NOC2L: variants seen among roughly 807,000 people sequenced by gnomAD.
NOC2L encodes the protein NOC2 like nucleolar associated transcriptional repressor, also known as nucleolar complex protein 2 homolog.
A neutral mutation model predicts 94.2 loss-of-function variants in NOC2L; 101 were observed. The observed-to-expected ratio is 1.07, with a 90% CI of 0.91 to 1.26. The LOEUF (loss-of-function observed/expected upper bound fraction) is 1.26, where lower values mean the gene tolerates loss of function less well. Among genes scored for constraint, NOC2L ranks in the 50% most tolerant of loss-of-function variants. NOC2L has a pLI of 0.00. For missense variants in NOC2L, 1,076 were observed against 980.1 expected, an observed-to-expected ratio of 1.10 and a Z score of -1.31; for synonymous variants, 531 against 413.4, an observed-to-expected ratio of 1.28 and a Z score of -3.45.
intron 9 of NOC2L, among the ~76,000 whole-genome samples, chr1:952,935 C>G (rs1642299210): frequency 6.6e-6 from 1 of 152,184 alleles, no homozygotes; most frequent in Non-Finnish European, 1.5e-5. Flanking sequence ...AGAGGCCCTC[C>G]CCTGGGGAAG....
rs771025619 is a variant in NOC2L at position 948,492 on chromosome 1, G to A, written c.1555C>T (p.Arg519Trp). The A allele has an allele frequency of 9.3e-6, 15 of 1,608,882 alleles. No homozygotes were observed. The highest frequency in any genetic ancestry group is 6.7e-5 in the African/African-American group (5 of 74,830). The change falls in exon 13 of 19, where the codon CGG becomes TGG. Residue 519 changes from arginine to tryptophan, a missense_variant and splice_region_variant. Physicochemically the swap from Arg to Trp is moderately radical, Grantham distance 101. Transcript: ENST00000327044. ...CCTCCCCAGGAGGCCAGCCTCACCC[G>A]GTACGCCTTCTCCTGCAGGTTGACA... ...SNVNLQEKAYRDGLVEQLYDL... is the reference protein window; with the variant it reads ...SNVNLQEKAYWDGLVEQLYDL...
chr1:948,078 C>A, intron 14 of NOC2L, 53 bp downstream of exon 14: 1 of 1,429,754 alleles, frequency 7.0e-7, no homozygotes, highest in South Asian at 1.2e-5. Flanking sequence ...GCAGCCAAGC[C>A]CGTTATAAGA....
Position 957,188 on chromosome 1 carries a change from C to G in NOC2L, c.265G>C (p.Glu89Gln). ...RDPEFYKFLQ[E>Q]NDQSLLNFSD... ...AAGTTTAGCAGGCTCTGGTCATTCT[C>G]CTGCAGGAACTTGTAGAACTCGGGG... is the stretch of plus-strand genomic sequence containing the variant. The change falls in exon 3 of 19, where the codon GAG (glutamate) becomes CAG (glutamine). Residue 89 changes from glutamate to glutamine, a missense_variant. By Grantham distance (29) the Glu-to-Gln change is conservative (BLOSUM62 2). Transcript: ENST00000327044. 6.2e-7 allele frequency: 1 copy of G among 1,614,070 alleles called. No individual in the cohort carries two copies. The highest frequency in any genetic ancestry group is 1.7e-5 in the Admixed American group (1 of 60,032).
chr1:953,413 G>A (rs190040727), intron 8 of NOC2L, 125 bp from the exon 9 acceptor site: 159 of 645,310 alleles, frequency 2.5e-4, no homozygotes, highest in Admixed American at 5.0e-4. Context: ...AAAGCACCTC[G>A]GGGGAGCCGT....
chr1:952,242 G>T, intron 10 of NOC2L, 103 bp from the exon 11 acceptor site: 1 of 1,457,570 alleles, frequency 6.9e-7, no homozygotes, highest in Non-Finnish European at 9.4e-7. Context: ...TCTTGCACAC[G>T]GGGTCTCAAC....
chr1:945,213 G>A, intron 17 of NOC2L, 67 bp from the exon 18 acceptor site: 3 of 1,528,544 alleles, frequency 2.0e-6, no homozygotes, highest in Non-Finnish European at 2.7e-6. Context: ...GTCACAGTGG[G>A]GGCAGGAGGG....
Position 946,980 on chromosome 1 carries a change from C to T in NOC2L, c.1660-435G>A, listed in dbSNP as rs936505549. On this transcript the variant is annotated intron_variant, in intron 14 of 18. Coordinates refer to ENST00000327044, the MANE Select transcript of NOC2L (RefSeq NM_015658.4). ...GCTGAGGCTGGAGAATCGCTTGAGC[C>T]CAGGAGATGGAGATTGCAGTGAGCC... is the stretch of plus-strand genomic sequence containing the variant. The T allele has an allele frequency of 1.2e-4, 20 of 173,560 alleles. No individual in the cohort carries two copies. In the South Asian group the frequency reaches 1.5e-3, roughly 13 times the overall value. The allele number at this position is 173,560 out of a possible 1,614,324, so 10.8% of individuals were successfully genotyped here.
chr1:955,968 C>G lies in NOC2L; in HGVS notation c.653G>C (p.Cys218Ser), dbSNP rs770866559. 2.9e-5 allele frequency: 47 copies of G among 1,613,932 alleles called. No homozygotes were observed. In the South Asian group the frequency reaches 4.9e-4, roughly 17 times the overall value. The stretch of plus-strand genomic sequence containing the variant: ...CTTTCCAAACAGCAGCTTCTGGAGA[C>G]AGCCAATGAGGTCTCTGATGCAGAA... ...VTFCIRDLIGCLQKLLFGKVA... is the reference protein window; with the variant it reads ...VTFCIRDLIGSLQKLLFGKVA... Residue 218 changes from cysteine (C) to serine (S), a missense_variant, in exon 6 of 19, where the codon TGT (cysteine) becomes TCT (serine). By Grantham distance (112) the Cys-to-Ser change is moderately radical. Coordinates refer to ENST00000327044, the MANE Select transcript of NOC2L (RefSeq NM_015658.4).
intron 2 of NOC2L, chr1:958,674 A>G (rs1186086963): frequency 1.5e-6 from 1 of 679,302 alleles, no homozygotes; most frequent in East Asian, 2.8e-5. Flanking sequence ...TTCACCCAAG[A>G]ACGTGAGAGT....
At chr1:951,634 C>T (rs764870698) in intron 11 of NOC2L, among the ~76,000 whole-genome samples, 1 of 152,250 alleles carries the variant, frequency 6.6e-6, no homozygotes, top group Non-Finnish European at 1.5e-5. Context: ...CGTGCCTGGA[C>T]CCTCCTAAGC....
intron 12 of NOC2L, among the ~76,000 whole-genome samples, chr1:950,887 G>C (rs937168938): frequency 6.6e-6 from 1 of 152,158 alleles, no homozygotes; most frequent in Non-Finnish European, 1.5e-5. Flanking sequence ...GCACCTACAG[G>C]GTCAGGTCCC....
At position 951,194 on chromosome 1, in the gene NOC2L, A is replaced by C; in HGVS notation, c.1376T>G (p.Ile459Ser). The change falls in exon 12 of 19, where the codon ATC (isoleucine) becomes AGC (serine). Residue 459 changes from isoleucine (I) to serine (S), a missense_variant. Coordinates refer to ENST00000327044, the MANE Select transcript of NOC2L (RefSeq NM_015658.4). Reference sequence around the variant, plus strand: ...CCCCGAGAGCAGCGTCAGGGCACGGATGCAGTGCATTCGCAGCGGGTAGAA... The same window carrying C: ...CCCCGAGAGCAGCGTCAGGGCACGGCTGCAGTGCATTCGCAGCGGGTAGAA... The part of the protein sequence containing the change: ...ARFYPLRMHC[I>S]RALTLLSGSS... 1 of 1,596,950 alleles carries C rather than the reference A, an allele frequency of 6.3e-7. No individual in the cohort carries two copies. Among genetic ancestry groups the C allele is most frequent in the Non-Finnish European group, 8.5e-7 (1 of 1,172,002 alleles).
At chr1:945,184 C>T in intron 17 of NOC2L, 38 bp from the exon 18 acceptor site, 1 of 1,555,850 alleles carries the variant, frequency 6.4e-7, no homozygotes, top group Non-Finnish European at 8.7e-7. Flanking sequence ...GACTCCCACC[C>T]ACAGGGTCCA....
intron 12 of NOC2L, among the ~76,000 whole-genome samples, chr1:950,815 G>A (rs912925311): frequency 2.2e-4 from 34 of 152,170 alleles, no homozygotes; most frequent in African/African-American, 8.2e-4. Flanking sequence ...TCAGTGTACA[G>A]TTCAGCAATC....
At position 951,241 on chromosome 1, in the gene NOC2L, G is replaced by A; in HGVS notation, c.1332-3C>T. 6.4e-7 allele frequency: 1 copy of A among 1,573,462 alleles called. No individual in the cohort carries two copies. Among genetic ancestry groups the A allele is most frequent in the Non-Finnish European group, 8.6e-7 (1 of 1,159,232 alleles). ...AGAAGCGGGCAGTGGGGATGAGCCT[G>A]GGGGTGGGAAGGCCGAGTGAGCAGA... On this transcript the variant is annotated splice_region_variant and splice_polypyrimidine_tract_variant and intron_variant, in intron 11 of 18. Coordinates refer to ENST00000327044, the MANE Select transcript of NOC2L (RefSeq NM_015658.4).
At chr1:952,808 C>T (rs964178983) in intron 9 of NOC2L, among the ~76,000 whole-genome samples, 9 of 152,206 alleles carry the variant, frequency 5.9e-5, no homozygotes, top group African/African-American at 2.2e-4. Flanking sequence ...GCACACTGGG[C>T]CCCTCTGGGG....
chr1:955,978 G>C lies in NOC2L; in HGVS notation c.643C>G (p.Leu215Val), dbSNP rs147225789. The C allele has an allele frequency of 1.9e-6, 3 of 1,613,808 alleles. No individual in the cohort carries two copies. Among genetic ancestry groups the C allele is most frequent in the Non-Finnish European group, 2.5e-6 (3 of 1,180,012 alleles). ...AGCAGCTTCTGGAGACAGCCAATGAGGTCTCTGATGCAGAAGGTAACCAGA... is the reference window on the plus strand; with the variant it reads ...AGCAGCTTCTGGAGACAGCCAATGACGTCTCTGATGCAGAAGGTAACCAGA... ...NALVTFCIRDLIGCLQKLLFG... is the reference protein window; with the variant it reads ...NALVTFCIRDVIGCLQKLLFG... Residue 215 changes from leucine (L) to valine (V), a missense_variant, in exon 6 of 19, where the codon CTC becomes GTC. Physicochemically the swap from Leu to Val is conservative, Grantham distance 32. Coordinates refer to ENST00000327044, the MANE Select transcript of NOC2L (RefSeq NM_015658.4).
intron 2 of NOC2L, chr1:958,412 G>T (rs1026691920): frequency 6.2e-6 from 2 of 320,432 alleles, no homozygotes; most frequent in Admixed American, 4.4e-5. Flanking sequence ...ACCACGCCCG[G>T]CTAATTTTTA....
In NOC2L at chr1:948,496, C is replaced by T. The variant is rs372726801; in HGVS notation, c.1551G>A (p.Ala517=). 2.9e-5 allele frequency: 46 copies of T among 1,611,670 alleles called. No homozygotes were observed. The highest frequency in any genetic ancestry group is 3.6e-5 in the Non-Finnish European group (43 of 1,178,386). The change falls in exon 13 of 19, where the codon GCG becomes GCA. Residue 517 remains alanine, a synonymous_variant. Transcript: ENST00000327044. ...CCCAGGAGGCCAGCCTCACCCGGTACGCCTTCTCCTGCAGGTTGACATTGG... is the reference window on the plus strand; with the variant it reads ...CCCAGGAGGCCAGCCTCACCCGGTATGCCTTCTCCTGCAGGTTGACATTGG... ...KLSNVNLQEK[A]YRDGLVEQLY...
Sources: allele counts gnomAD v4.1 joint callset (sites outside exome capture counted in the v4.1 genomes callset), GRCh38; gene constraint gnomAD v4.1.1; transcripts MANE v1.5; gene names NCBI Gene and HGNC (gene_info 2026-07-23, HGNC 2026-07-21).